CARMIL1: variants seen among roughly 807,000 people sequenced by gnomAD.
CARMIL1 encodes the protein F-actin-uncapping protein LRRC16A.
Under a neutral mutation model 177.1 loss-of-function variants are expected in CARMIL1, and 90 were observed. The observed-to-expected ratio is 0.51, with a 90% CI of 0.43 to 0.61. The LOEUF is 0.61. Among genes scored for constraint, CARMIL1 ranks in the 20% least tolerant of loss-of-function variants. The probability of loss-of-function intolerance (pLI) is 0.00; values close to 1 mark genes in which losing one functional copy is unlikely to be tolerated. For synonymous variants in CARMIL1, 577 were observed against 606.2 expected, an observed-to-expected ratio of 0.95 and a Z score of 0.71; for missense variants, 1,380 against 1,667.0, an observed-to-expected ratio of 0.83 and a Z score of 3.00.
intron 2 of CARMIL1, among the ~76,000 whole-genome samples, chr6:25,405,953 G>C (rs1794332004): frequency 6.6e-6 from 1 of 152,188 alleles, no homozygotes; most frequent in Admixed American, 6.5e-5. Context: ...AATAGGGTGA[G>C]AAGGAGCAGT....
At chr6:25,574,769 A>G (rs1812432468) in intron 29 of CARMIL1, among the ~76,000 whole-genome samples, 1 of 152,132 alleles carries the variant, frequency 6.6e-6, no homozygotes, top group South Asian at 2.1e-4. Context: ...TGCTACAGGT[A>G]GTTTTTATTT....
chr6:25,442,622 A>G (rs181733859), intron 5 of CARMIL1, among the ~76,000 whole-genome samples: 2 of 150,164 alleles, frequency 1.3e-5, no homozygotes, highest in East Asian at 3.9e-4. Context: ...GTTAGCATAG[A>G]TAAGAAACAG....
In CARMIL1 at chr6:25,619,433, C is replaced by T. The variant is rs762808453; in HGVS notation, c.3980-14C>T. On this transcript the variant is annotated splice_polypyrimidine_tract_variant and intron_variant, in intron 36 of 36. Coordinates refer to ENST00000329474, the MANE Select transcript of CARMIL1 (RefSeq NM_017640.6). Reference sequence around the variant, plus strand: ...CTTTGTCAGTAAACTGTGCGACTTCCCTTTTTATTTCAGTTTCAAGGAGAA... The same window carrying T: ...CTTTGTCAGTAAACTGTGCGACTTCTCTTTTTATTTCAGTTTCAAGGAGAA... 22 of 1,607,830 alleles carry T rather than the reference C, an allele frequency of 1.4e-5. No homozygotes were observed. The highest frequency in any genetic ancestry group is 1.8e-5 in the Non-Finnish European group (21 of 1,177,826).
chr6:25,344,789 A>G (rs1164839157), intron 2 of CARMIL1, among the ~76,000 whole-genome samples: 2 of 150,754 alleles, frequency 1.3e-5, no homozygotes, highest in Non-Finnish European at 1.5e-5. Flanking sequence ...CTCCTTGGGC[A>G]TGATGTTCTA....
chr6:25,594,506 A>G lies in CARMIL1; in HGVS notation c.3098A>G (p.Lys1033Arg), dbSNP rs886759441. 4 of 1,609,690 alleles carry G rather than the reference A, an allele frequency of 2.5e-6. No individual in the cohort carries two copies. The highest frequency in any genetic ancestry group is 3.4e-6 in the Non-Finnish European group (4 of 1,176,428). The change falls in exon 32 of 37, where the codon AAG (lysine) becomes AGG (arginine). Residue 1033 changes from lysine to arginine, a missense_variant. Physicochemically the swap from Lys to Arg is conservative, Grantham distance 26. Transcript: ENST00000329474. The stretch of plus-strand genomic sequence containing the variant: ...GGTGTAGATGAATTTTTTACCAAGA[A>G]GGTGACCAAAATGGATTCCAAGTGA... Reference protein sequence around the residue: ...DEGVDEFFTKKVTKMDSKKWS... With the variant: ...DEGVDEFFTKRVTKMDSKKWS...
chr6:25,337,068 C>A (rs5013971), intron 2 of CARMIL1, among the ~76,000 whole-genome samples: 22,467 of 152,110 alleles, frequency 0.15, 1,869 homozygotes, highest in East Asian at 0.28. Context: ...ACTTATTTGT[C>A]AGGGCATATA....
At chr6:25,371,599 A>C (rs542132975) in intron 2 of CARMIL1, among the ~76,000 whole-genome samples, 2 of 151,890 alleles carry the variant, frequency 1.3e-5, no homozygotes, top group Non-Finnish European at 2.9e-5. Flanking sequence ...CCACTTTTTG[A>C]TGGGATTATT....
intron 2 of CARMIL1, among the ~76,000 whole-genome samples, chr6:25,416,879 C>G (rs775454246): frequency 1.1e-4 from 16 of 152,074 alleles, no homozygotes; most frequent in Non-Finnish European, 1.9e-4. Context: ...TGTTATTTTA[C>G]CTCTATGCAG....
chr6:25,368,451 T>C (rs188049561), intron 2 of CARMIL1, among the ~76,000 whole-genome samples: 196 of 152,320 alleles, frequency 1.3e-3, no homozygotes, highest in Non-Finnish European at 2.3e-3. Context: ...ACATCACTCT[T>C]AGAGCACATT....
chr6:25,576,702 G>A (rs1346977921), intron 29 of CARMIL1, among the ~76,000 whole-genome samples: 1 of 152,152 alleles, frequency 6.6e-6, no homozygotes, highest in Non-Finnish European at 1.5e-5. Flanking sequence ...TACACACCTA[G>A]CAAGAGACAT....
At chr6:25,615,303 G>C (rs1441980302) in intron 36 of CARMIL1, among the ~76,000 whole-genome samples, 1 of 152,088 alleles carries the variant, frequency 6.6e-6, no homozygotes, top group African/African-American at 2.4e-5. Flanking sequence ...CTCAAATATT[G>C]TTCTCAAAGC....
At chr6:25,471,854 A>G (rs1381274162) in intron 10 of CARMIL1, among the ~76,000 whole-genome samples, 2 of 152,184 alleles carry the variant, frequency 1.3e-5, no homozygotes, top group African/African-American at 2.4e-5. Context: ...TACTGTTAAG[A>G]GCATAAGAGT....
At position 25,553,996 on chromosome 6, in the gene CARMIL1, G is replaced by A; in HGVS notation, c.2505-13G>A. On this transcript the variant is annotated splice_polypyrimidine_tract_variant and intron_variant, in intron 27 of 36. Transcript: ENST00000329474. ...AATTAAAATGGTACTCTGTCCTTTT[G>A]ATTTTCACACAGTGAAGTAAAATTG... 6.4e-7 allele frequency: 1 copy of A among 1,564,378 alleles called. No homozygotes were observed. The highest frequency in any genetic ancestry group is 1.2e-5 in the South Asian group (1 of 86,010).
intron 5 of CARMIL1, among the ~76,000 whole-genome samples, chr6:25,436,442 G>A (rs1344952679): frequency 1.3e-5 from 2 of 152,216 alleles, no homozygotes; most frequent in African/African-American, 4.8e-5. Context: ...TCCTTGCGTG[G>A]TGGAGGTGGG....
chr6:25,556,920 T>TTTAAA, intron 29 of CARMIL1, 70 bp downstream of exon 29: 7 of 1,122,656 alleles, frequency 6.2e-6, no homozygotes, highest in Non-Finnish European at 7.3e-6. Flanking sequence ...TTTTTTTTTT[T>TTTAAA]TAAATCTCAC....
chr6:25,524,126 C>T (rs1265142090), intron 23 of CARMIL1, among the ~76,000 whole-genome samples: 3 of 152,088 alleles, frequency 2.0e-5, no homozygotes, highest in Admixed American at 6.5e-5. Context: ...TTTAGTAGGA[C>T]CTTACCTGAA....
chr6:25,285,610 T>C (rs1781460785), intron 2 of CARMIL1, among the ~76,000 whole-genome samples: 1 of 152,076 alleles, frequency 6.6e-6, no homozygotes, highest in African/African-American at 2.4e-5. Context: ...CAAATCTAAA[T>C]TTAAGCTTAG....
chr6:25,511,665 A>G lies in CARMIL1; in HGVS notation c.1632+903A>G, dbSNP rs189106817. The stretch of plus-strand genomic sequence containing the variant: ...TCATTTTCCCTCCTGAATTCATACC[A>G]GGGAAGAGCAAATTCTATCACAGCT... On this transcript the variant is annotated intron_variant, in intron 20 of 36. Transcript: ENST00000329474. Among the ~76,000 whole-genome samples the G allele has an allele frequency of 3.3e-3, 500 of 152,310 alleles. 1 individual carries two copies. The highest frequency in any genetic ancestry group is 4.7e-3 in the African/African-American group (196 of 41,570).
intron 2 of CARMIL1, among the ~76,000 whole-genome samples, chr6:25,340,893 T>C (rs1169446857): frequency 6.7e-6 from 1 of 149,046 alleles, no homozygotes; most frequent in African/African-American, 2.5e-5. Flanking sequence ...ATTCTGACCA[T>C]GTAATAAATG....
Sources: allele counts gnomAD v4.1 joint callset (sites outside exome capture counted in the v4.1 genomes callset), GRCh38; gene constraint gnomAD v4.1.1; transcripts MANE v1.5; gene names NCBI Gene and HGNC (gene_info 2026-07-23, HGNC 2026-07-21).